The following OSBPL9 variants were observed in gnomAD, a reference collection of about 807,000 sequenced individuals.
OSBPL9 encodes oxysterol-binding protein-related protein 9.
A neutral mutation model predicts 106.6 loss-of-function variants in OSBPL9; 40 were observed. The ratio of observed to expected loss-of-function variants is 0.38; its 90% CI spans 0.29 to 0.49. The LOEUF (loss-of-function observed/expected upper bound fraction) is 0.49, where lower values mean the gene tolerates loss of function less well. Among genes scored for constraint, OSBPL9 ranks in the 20% least tolerant of loss-of-function variants. OSBPL9 has a pLI of 0.97. For synonymous variants in OSBPL9, 269 were observed against 295.4 expected (o/e 0.91, Z 0.92); for missense variants, 609 against 887.2 (o/e 0.69, Z 3.98).
At chr1:51,700,630 T>G (rs540766628) in intron 3 of OSBPL9, among the ~76,000 whole-genome samples, 53 of 152,358 alleles carry the variant, frequency 3.5e-4, no homozygotes, top group African/African-American at 1.3e-3. Flanking sequence ...TGCTGTTGTT[T>G]CCTTGTCTCA....
intron 4 of OSBPL9, among the ~76,000 whole-genome samples, chr1:51,727,299 G>GT (rs925842081): frequency 1.4e-3 from 206 of 151,984 alleles, no homozygotes; most frequent in East Asian, 3.9e-3. Context: ...CAAAATTGAT[G>GT]TTTTTTTTCC....
chr1:51,666,865 A>G (rs1454910638), intron 2 of OSBPL9, among the ~76,000 whole-genome samples: 1 of 152,252 alleles, frequency 6.6e-6, no homozygotes, highest in African/African-American at 2.4e-5. Flanking sequence ...GTGAGTCTCT[A>G]ATAAGAGTCT....
At chr1:51,761,313 G>A (rs1234385068) in intron 10 of OSBPL9, among the ~76,000 whole-genome samples, 2 of 151,474 alleles carry the variant, frequency 1.3e-5, no homozygotes, top group South Asian at 4.2e-4. Context: ...GGCAAAGAAG[G>A]GCTCAGGGCC....
intron 1 of OSBPL9, 126 bp from the exon 2 acceptor site, chr1:51,651,865 G>T (rs967448166): frequency 1.0e-5 from 7 of 675,496 alleles, no homozygotes; most frequent in Non-Finnish European, 1.8e-5. Flanking sequence ...ATTTCTTTTT[G>T]GAAGAGAAAT....
At chr1:51,608,913 T>C (rs1295782950) in intron 2 of OSBPL9, among the ~76,000 whole-genome samples, 1 of 152,180 alleles carries the variant, frequency 6.6e-6, no homozygotes, top group Non-Finnish European at 1.5e-5. Context: ...CTACCAATAG[T>C]TTGTATGTTT....
chr1:51,518,559 G>A, the OSBPL9 span: 1 of 152,940 alleles, frequency 6.5e-6, no homozygotes, highest in Non-Finnish European at 1.5e-5. Flanking sequence ...GCTGAACGGA[G>A]GAAGGGGCCG....
the OSBPL9 span, chr1:51,563,615 C>T: frequency 1.3e-5 from 2 of 152,152 alleles, no homozygotes; most frequent in African/African-American, 4.8e-5. Flanking sequence ...GAAAGAGAGA[C>T]CCCCCTCACC....
At chr1:51,584,505 G>A (rs1336811708) in intron 1 of OSBPL9, among the ~76,000 whole-genome samples, 1 of 152,126 alleles carries the variant, frequency 6.6e-6, no homozygotes, top group East Asian at 1.9e-4. Context: ...CCTGAGGTCA[G>A]GAGTTTGAGA....
chr1:51,767,936 C>CTTTTTTTTTTTTTTTTTTT lies in OSBPL9; in HGVS notation c.938+1964_938+1982dup, dbSNP rs869092922. On this transcript the variant is annotated intron_variant, in intron 12 of 23. Coordinates refer to ENST00000428468, the MANE Select transcript of OSBPL9 (RefSeq NM_024586.6). ...TATTTAAAAGAGAATTAAAGACCGT[C>CTTTTTTTTTTTTTTTTTTT]TTTTTTTTTTTTTTTTTTTTTTTTT... 4.6e-5 allele frequency among the ~76,000 whole-genome samples: 3 copies of CTTTTTTTTTTTTTTTTTTT among 65,016 alleles called. 1 individual carries two copies. The highest frequency in any genetic ancestry group is 1.8e-4 in the African/African-American group (3 of 16,696). 42.7% of individuals were successfully genotyped at this position (65,016 alleles called of 152,430 possible). A position where few individuals can be genotyped will look rare whatever the true frequency, so the allele number is the denominator to read the frequency against.
intron 1 of OSBPL9, among the ~76,000 whole-genome samples, chr1:51,635,659 A>G (rs780303647): frequency 3.9e-5 from 6 of 152,138 alleles, no homozygotes; most frequent in African/African-American, 1.2e-4. Flanking sequence ...CAAAAACCCT[A>G]AGTCATCATG....
At chr1:51,784,690 G>A in intron 20 of OSBPL9, 108 bp downstream of exon 20, 1 of 1,297,722 alleles carries the variant, frequency 7.7e-7, no homozygotes. Context: ...TTCTGTCTTT[G>A]TAAGCGTGTT....
intron 3 of OSBPL9, among the ~76,000 whole-genome samples, chr1:51,678,957 CTG>C (rs1188787728): frequency 5.9e-5 from 9 of 152,192 alleles, no homozygotes; most frequent in Non-Finnish European, 8.8e-5. Flanking sequence ...AAATTTCCCT[CTG>C]TTGTTTCATA....
chr1:51,658,641 CT>C (rs1233072790), intron 2 of OSBPL9, among the ~76,000 whole-genome samples: 1 of 152,048 alleles, frequency 6.6e-6, no homozygotes, highest in African/African-American at 2.4e-5. Context: ...TATCTATTCT[CT>C]TTTCTTTTAG....
At chr1:51,671,857 G>A (rs2148769237) in intron 3 of OSBPL9, among the ~76,000 whole-genome samples, 1 of 152,230 alleles carries the variant, frequency 6.6e-6, no homozygotes, top group African/African-American at 2.4e-5. Flanking sequence ...GGGAGGTGGG[G>A]TGAATACATC....
At chr1:51,646,473 A>G (rs1646160262) in intron 1 of OSBPL9, among the ~76,000 whole-genome samples, 1 of 152,154 alleles carries the variant, frequency 6.6e-6, no homozygotes, top group Non-Finnish European at 1.5e-5. Flanking sequence ...TCTGTTTGAA[A>G]CTTTGGTGAG....
At chr1:51,669,402 G>T in intron 2 of OSBPL9, 32 bp from the exon 3 acceptor site, 1 of 1,590,726 alleles carries the variant, frequency 6.3e-7, no homozygotes, top group Non-Finnish European at 8.6e-7. Flanking sequence ...GTCATTGTTT[G>T]CCTTATTGGG....
the OSBPL9 span, among the ~76,000 whole-genome samples, chr1:51,531,767 G>T: frequency 6.6e-6 from 1 of 152,116 alleles, no homozygotes; most frequent in African/African-American, 2.4e-5. Context: ...GCATATGGAG[G>T]CATTTAAAGC....
rs543490477 is a variant in OSBPL9 at position 51,651,871 on chromosome 1, G to T, written c.112-120G>T. 2.0e-4 allele frequency: 144 copies of T among 704,250 alleles called. No individual in the cohort carries two copies. The African/African-American group carries it at 2.2e-3, about 11-fold the overall frequency. 43.6% of individuals were successfully genotyped at this position (704,250 alleles called of 1,614,324 possible). The stretch of plus-strand genomic sequence containing the variant: ...CCATAAGTAATTTCTTTTTGGAAGA[G>T]AAATTGGCAGAAGGGATGGGTATTA... On this transcript the variant is annotated intron_variant, in intron 1 of 23. Transcript: ENST00000428468.
At chr1:51,771,237 T>C (rs1242327954) in intron 12 of OSBPL9, among the ~76,000 whole-genome samples, 1 of 151,676 alleles carries the variant, frequency 6.6e-6, no homozygotes, top group African/African-American at 2.4e-5. Context: ...ATAAGACTCA[T>C]GTGTACTGTT....
Sources: gnomAD v4.1 joint callset for allele counts (sites outside exome capture counted in the v4.1 genomes callset) on GRCh38, gnomAD v4.1.1 for gene constraint, MANE v1.5 for transcripts, NCBI Gene and HGNC (gene_info 2026-07-23, HGNC 2026-07-21) for gene names.